FREM1: variants seen among roughly 807,000 people sequenced by gnomAD.
FREM1 encodes FRAS1-related extracellular matrix protein 1.
A neutral mutation model predicts 210.1 loss-of-function variants in FREM1; 220 were observed. The observed-to-expected ratio is 1.05, with a 90% CI of 0.94 to 1.17. FREM1 has a LOEUF of 1.17. FREM1 is among the 50% of genes most tolerant of loss of function. The pLI is 0.00. For missense variants in FREM1, 3,454 were observed against 2,675.5 expected, an observed-to-expected ratio of 1.29 and a Z score of -6.42; for synonymous variants, 1,189 against 980.2, an observed-to-expected ratio of 1.21 and a Z score of -3.98.
intron 6 of FREM1, among the ~76,000 whole-genome samples, chr9:14,850,898 A>G (rs757102120): frequency 2.6e-5 from 4 of 152,222 alleles, no homozygotes; most frequent in Non-Finnish European, 4.4e-5. Flanking sequence ...ACGTTTCACT[A>G]CAAGTTTTAA....
At chr9:14,885,222 C>T (rs1253701477) in intron 1 of FREM1, among the ~76,000 whole-genome samples, 1 of 152,030 alleles carries the variant, frequency 6.6e-6, no homozygotes, top group East Asian at 1.9e-4. Flanking sequence ...TTGCAGAATT[C>T]ATATGTGGCC....
intron 25 of FREM1, among the ~76,000 whole-genome samples, chr9:14,771,817 A>T (rs1212756480): frequency 6.6e-6 from 1 of 152,204 alleles, no homozygotes; most frequent in Non-Finnish European, 1.5e-5. Flanking sequence ...TCAAAAGAAT[A>T]AGGGAGAAAA....
rs1321509511 is a variant in FREM1 at position 14,849,142 on chromosome 9, C to T, written c.1153-369G>A. 3.9e-5 allele frequency among the ~76,000 whole-genome samples: 6 copies of T among 152,024 alleles called. No homozygotes were observed. In the East Asian group the frequency reaches 7.7e-4, roughly 20 times the overall value. On this transcript the variant is annotated intron_variant, in intron 6 of 36. Transcript: ENST00000380880. The stretch of plus-strand genomic sequence containing the variant: ...TTTTCAACTAGGGGTGATGTTGTCC[C>T]ACTACAGGACTTTTGGGAATGTCTG...
intron 8 of FREM1, among the ~76,000 whole-genome samples, chr9:14,843,072 A>G (rs1204301645): frequency 6.6e-6 from 1 of 152,186 alleles, no homozygotes; most frequent in Non-Finnish European, 1.5e-5. Flanking sequence ...CACATTCATC[A>G]TTGTGGGCAG....
Position 14,869,186 on chromosome 9 carries a change from G to T in FREM1, c.-209C>A, listed in dbSNP as rs1032490866. On this transcript the variant is annotated 5_prime_UTR_variant, in exon 2 of 37. Transcript: ENST00000380880. ...AATCCCAGGGCTTTTAATAAAACTC[G>T]CTGATCACTCCTGACAACGCCGGCA... The T allele has an allele frequency of 3.9e-6, 2 of 511,500 alleles. No individual in the cohort carries two copies. Among genetic ancestry groups the T allele is most frequent in the East Asian group, 2.9e-5 (1 of 34,466 alleles). The allele number at this position is 511,500 out of a possible 1,614,324, so 31.7% of individuals were successfully genotyped here.
rs1842831991 is a variant in FREM1, at chr9:14,748,490, G to C, written c.5707C>G (p.Leu1903Val). Residue 1903 changes from leucine (L) to valine (V), a missense_variant, in exon 31 of 37, where the codon CTA becomes GTA. Transcript: ENST00000380880. ...AGGGTGTCTCCCCTGATGACTGCTA[G>C]CTGCATGGAAGATGGAAGAGGTCTT... ...ERRPLPSSMQ[L>V]AVIRGDTLRG... The C allele has an allele frequency of 6.2e-7, 1 of 1,613,754 alleles. No homozygotes were observed. The highest frequency in any genetic ancestry group is 8.5e-7 in the Non-Finnish European group (1 of 1,179,704).
At chr9:14,773,704 C>T (rs1198134186) in intron 25 of FREM1, among the ~76,000 whole-genome samples, 1 of 151,116 alleles carries the variant, frequency 6.6e-6, no homozygotes, top group African/African-American at 2.4e-5. Flanking sequence ...AATTCCACAA[C>T]TTCCAATAGA....
rs550478894 is a variant in FREM1, at chr9:14,835,313, C to T, written c.1881+6134G>A. Among the ~76,000 whole-genome samples, 18 of 152,274 alleles carry T rather than the reference C, an allele frequency of 1.2e-4. No individual in the cohort carries two copies. The South Asian group carries it at 3.7e-3, about 32-fold the overall frequency. ...GTTCATTTTTCTCCGCCTGATTCCT[C>T]TAGAATTTGGAGACTATCTGTAAGT... On this transcript the variant is annotated intron_variant, in intron 10 of 36. Coordinates refer to ENST00000380880, the MANE Select transcript of FREM1 (RefSeq NM_001379081.2).
chr9:14,819,440 C>G lies in FREM1; in HGVS notation c.2340G>C (p.Ala780=). 1 of 1,604,370 alleles carries G rather than the reference C, an allele frequency of 6.2e-7. No homozygotes were observed. Among genetic ancestry groups the G allele is most frequent in the South Asian group, 1.1e-5 (1 of 90,404 alleles). ...ILPVDNQVPE[A]FTNPLKVTEG... ...CAGTCACTTTCAGAGGGTTGGTGAACGCCTAGAAAGAAGAAAGGAAGGAAA... is the reference window on the plus strand; with the variant it reads ...CAGTCACTTTCAGAGGGTTGGTGAAGGCCTAGAAAGAAGAAAGGAAGGAAA... Residue 780 remains alanine (A), a splice_region_variant and synonymous_variant, in exon 14 of 37, where the codon GCG becomes GCC. Coordinates refer to ENST00000380880, the MANE Select transcript of FREM1 (RefSeq NM_001379081.2).
In FREM1 at chr9:14,819,440, C is replaced by A. The variant is rs140837413; in HGVS notation, c.2340G>T (p.Ala780=). 2.1e-5 allele frequency: 34 copies of A among 1,604,372 alleles called. No individual in the cohort carries two copies. The East Asian group carries it at 7.4e-4, about 35-fold the overall frequency. ...CAGTCACTTTCAGAGGGTTGGTGAA[C>A]GCCTAGAAAGAAGAAAGGAAGGAAA... The part of the protein sequence containing the change: ...ILPVDNQVPE[A]FTNPLKVTEG... The change falls in exon 14 of 37, where the codon GCG becomes GCT. Residue 780 remains alanine, a splice_region_variant and synonymous_variant. Transcript: ENST00000380880.
At chr9:14,738,872 TG>T (rs1840898872) in intron 36 of FREM1, among the ~76,000 whole-genome samples, 2 of 151,558 alleles carry the variant, frequency 1.3e-5, no homozygotes, top group Non-Finnish European at 2.9e-5. Context: ...TAGCCAGGTG[TG>T]GTAGTGGGCA....
In FREM1 at chr9:14,748,613, T is replaced by G. The variant is rs1842850390; in HGVS notation, c.5584A>C (p.Asn1862His). 3 of 1,613,332 alleles carry G rather than the reference T, an allele frequency of 1.9e-6. No homozygotes were observed. The highest frequency in any genetic ancestry group is 1.3e-5 in the African/African-American group (1 of 74,894). The change falls in exon 31 of 37, where the codon AAC becomes CAC. Residue 1862 changes from asparagine to histidine, a missense_variant. Coordinates refer to ENST00000380880, the MANE Select transcript of FREM1 (RefSeq NM_001379081.2). ...GGQCHPSYSS[N>H]QSKHSTWEKG... ...TCCCATGTGCTGTGCTTGCTTTGGT[T>G]GGAGGAATATGAAGGATGGCATTGT...
intron 36 of FREM1, among the ~76,000 whole-genome samples, chr9:14,738,162 C>G (rs1222401397): frequency 6.6e-6 from 1 of 152,174 alleles, no homozygotes; most frequent in Non-Finnish European, 1.5e-5. Flanking sequence ...CGACTTGCCT[C>G]TCTACCTCCA....
intron 17 of FREM1, among the ~76,000 whole-genome samples, chr9:14,807,731 T>C (rs10810250): frequency 6.6e-6 from 1 of 151,916 alleles, no homozygotes; most frequent in African/African-American, 2.4e-5. Flanking sequence ...CATACAGAAA[T>C]ATTAAAATTT....
intron 31 of FREM1, among the ~76,000 whole-genome samples, chr9:14,748,041 T>TTCTAACAC (rs1842770771): frequency 6.6e-6 from 1 of 151,930 alleles, no homozygotes. Flanking sequence ...GAGTATGCAA[T>TTCTAACAC]GGTTAGAATG....
At chr9:14,799,167 T>A (rs10961713) in intron 20 of FREM1, among the ~76,000 whole-genome samples, 92 of 151,644 alleles carry the variant, frequency 6.1e-4, no homozygotes, top group African/African-American at 2.1e-3. Flanking sequence ...GTGCCTGTGG[T>A]CCCAGCTAGT....
At chr9:14,878,322 C>T (rs1397121388) in intron 1 of FREM1, among the ~76,000 whole-genome samples, 4 of 151,950 alleles carry the variant, frequency 2.6e-5, no homozygotes, top group African/African-American at 9.7e-5. Context: ...AAGATCCATT[C>T]CTCCCTCCTC....
chr9:14,854,598 T>C (rs1268548166), intron 5 of FREM1, among the ~76,000 whole-genome samples: 1 of 151,814 alleles, frequency 6.6e-6, no homozygotes, highest in East Asian at 1.9e-4. Flanking sequence ...AGAGCAAAAA[T>C]AAGAAGAATA....
intron 24 of FREM1, among the ~76,000 whole-genome samples, chr9:14,780,953 G>A (rs1320565194): frequency 6.6e-6 from 1 of 152,176 alleles, no homozygotes; most frequent in South Asian, 2.1e-4. Context: ...TTGGGCAGAC[G>A]CTAGGCTCTT....
Sources: gnomAD v4.1 joint callset for allele counts (sites outside exome capture counted in the v4.1 genomes callset) on GRCh38, gnomAD v4.1.1 for gene constraint, MANE v1.5 for transcripts, NCBI Gene and HGNC (gene_info 2026-07-23, HGNC 2026-07-21) for gene names.